Variants in HECW1 observed in about 807,000 individuals in gnomAD.
The protein encoded by HECW1 is HECT, C2 and WW domain containing E3 ubiquitin protein ligase 1.
Under a neutral mutation model 182.3 loss-of-function variants are expected in HECW1, and 61 were observed. The observed-to-expected ratio is 0.33, with a 90% CI of 0.27 to 0.41. The LOEUF (loss-of-function observed/expected upper bound fraction) is 0.41, where lower values mean the gene tolerates loss of function less well. HECW1 is among the 10% of genes least tolerant of loss of function. HECW1 has a pLI of 1.00. For missense variants in HECW1, 1,739 were observed against 2,108.9 expected (o/e 0.82, Z 3.44); for synonymous variants, 859 against 832.6 (o/e 1.03, Z -0.55).
At chr7:43,206,402 T>A (rs531428306) in intron 2 of HECW1, among the ~76,000 whole-genome samples, 1 of 152,286 alleles carries the variant, frequency 6.6e-6, no homozygotes, top group East Asian at 1.9e-4. Flanking sequence ...CCGTGCTTTT[T>A]TCTGGTCTTT....
At chr7:43,164,386 A>G (rs555973991) in intron 2 of HECW1, among the ~76,000 whole-genome samples, 8 of 149,890 alleles carry the variant, frequency 5.3e-5, no homozygotes, top group Non-Finnish European at 1.2e-4. Flanking sequence ...GTTTTGCATA[A>G]GTTGAGTTGA....
chr7:43,228,495 G>A lies in HECW1; in HGVS notation c.-31-15380G>A, dbSNP rs148104393. ...AAGGTTGAAAATGTACCGTCAGGAG[G>A]TGCAAAGAACTATGGGAACACTCAA... On this transcript the variant is annotated intron_variant, in intron 2 of 29. Coordinates refer to ENST00000395891, the MANE Select transcript of HECW1 (RefSeq NM_015052.5). Among the ~76,000 whole-genome samples the A allele has an allele frequency of 3.7e-3, 565 of 152,318 alleles. 5 individuals are homozygous for A. The highest frequency in any genetic ancestry group is 0.013 in the African/African-American group (525 of 41,578).
intron 19 of HECW1, among the ~76,000 whole-genome samples, chr7:43,499,475 A>AAAAAG (rs1554444485): frequency 1.3e-5 from 2 of 150,790 alleles, no homozygotes; most frequent in African/African-American, 4.8e-5. Context: ...TCTCAAAAAA[A>AAAAAG]AAAGAAAGAA....
chr7:43,337,196 C>T (rs1313909315), intron 5 of HECW1, among the ~76,000 whole-genome samples: 1 of 152,148 alleles, frequency 6.6e-6, no homozygotes, highest in Non-Finnish European at 1.5e-5. Context: ...TGCAACCATG[C>T]CAACATCCAT....
At chr7:43,238,239 G>C (rs1317912084) in intron 2 of HECW1, among the ~76,000 whole-genome samples, 4 of 152,158 alleles carry the variant, frequency 2.6e-5, no homozygotes, top group Non-Finnish European at 5.9e-5. Context: ...CATTGGGAGG[G>C]ATGGCACTGG....
At chr7:43,385,657 A>C (rs2074766247) in intron 6 of HECW1, among the ~76,000 whole-genome samples, 1 of 152,134 alleles carries the variant, frequency 6.6e-6, no homozygotes, top group African/African-American at 2.4e-5. Context: ...TTTCCAGAAG[A>C]TGAAGACCAG....
At position 43,432,297 on chromosome 7, in the gene HECW1, A is replaced by G. The variant is rs1261341927; in HGVS notation, c.802-5706A>G. ...TGGGACTACAGGCGCCCGCCACTAC[A>G]CCCGGCTAATTTTTTGTATTTTTAG... On this transcript the variant is annotated intron_variant, in intron 8 of 29. Coordinates refer to ENST00000395891, the MANE Select transcript of HECW1 (RefSeq NM_015052.5). This position sits in a 1 kb window ranked among gnomAD's most constrained non-coding sequence, Gnocchi z 4.1. Among the ~76,000 whole-genome samples the G allele has an allele frequency of 1.9e-4, 29 of 149,936 alleles. No homozygotes were observed. In the East Asian group the frequency reaches 3.6e-3, roughly 18 times the overall value.
At chr7:43,138,979 G>T (rs1028409113) in intron 2 of HECW1, among the ~76,000 whole-genome samples, 1 of 152,158 alleles carries the variant, frequency 6.6e-6, no homozygotes, top group Admixed American at 6.5e-5. Flanking sequence ...AGACAGACTG[G>T]TTTTTTTGTT....
At chr7:43,184,559 G>C (rs1206622287) in intron 2 of HECW1, among the ~76,000 whole-genome samples, 2 of 152,302 alleles carry the variant, frequency 1.3e-5, no homozygotes, top group African/African-American at 2.4e-5. Flanking sequence ...GATAGCTTCA[G>C]GATAGGGGCT....
At chr7:43,290,282 A>G (rs944028327) in intron 3 of HECW1, among the ~76,000 whole-genome samples, 1 of 152,220 alleles carries the variant, frequency 6.6e-6, no homozygotes, top group African/African-American at 2.4e-5. Flanking sequence ...GCTATCTGTC[A>G]TGTGATGTTA....
Position 43,508,983 on chromosome 7 carries a change from G to C in HECW1, c.3881G>C (p.Gly1294Ala). The C allele has an allele frequency of 6.2e-7, 1 of 1,613,878 alleles. No homozygotes were observed. The highest frequency in any genetic ancestry group is 8.5e-7 in the Non-Finnish European group (1 of 1,179,922). ...FVGEEGLDYSGPSREFFFLLS... is the reference protein window; with the variant it reads ...FVGEEGLDYSAPSREFFFLLS... ...TTTCTTTGCAGCCTGGACTACAGTGGCCCCTCGCGGGAGTTCTTCTTCCTT... is the reference window on the plus strand; with the variant it reads ...TTTCTTTGCAGCCTGGACTACAGTGCCCCCTCGCGGGAGTTCTTCTTCCTT... The change falls in exon 24 of 30, where the codon GGC (glycine) becomes GCC (alanine). Residue 1294 changes from glycine to alanine, a missense_variant. By Grantham distance (60) the Gly-to-Ala change is moderately conservative. This residue lies in a region of HECW1 where 420 missense variants were observed against 595.7 expected (regional missense o/e 0.71). Transcript: ENST00000395891.
chr7:43,532,170 G>C (rs1413221904), intron 24 of HECW1, among the ~76,000 whole-genome samples: 1 of 152,170 alleles, frequency 6.6e-6, no homozygotes, highest in Non-Finnish European at 1.5e-5. Flanking sequence ...GCCGTGGACT[G>C]TTCCTGGTGC....
intron 2 of HECW1, among the ~76,000 whole-genome samples, chr7:43,208,344 G>A (rs1247159984): frequency 2.0e-5 from 3 of 152,212 alleles, no homozygotes; most frequent in African/African-American, 7.2e-5. Context: ...ACAGGGTCCT[G>A]TTACTGTCTT....
intron 3 of HECW1, among the ~76,000 whole-genome samples, chr7:43,271,698 G>T (rs1340784924): frequency 7.2e-5 from 11 of 152,150 alleles, no homozygotes; most frequent in Non-Finnish European, 4.4e-5. Flanking sequence ...ATAAATCATG[G>T]ATGACGGAAT....
intron 2 of HECW1, among the ~76,000 whole-genome samples, chr7:43,194,949 C>T (rs1298239060): frequency 6.6e-6 from 1 of 152,154 alleles, no homozygotes; most frequent in Admixed American, 6.5e-5. Context: ...CCTTCTTGGC[C>T]TCCCAAAGTG....
chr7:43,452,331 A>C (rs1298268899), intron 12 of HECW1, among the ~76,000 whole-genome samples: 1 of 152,238 alleles, frequency 6.6e-6, no homozygotes. Context: ...ATGACTAGTT[A>C]TACATGCAAA....
intron 2 of HECW1, among the ~76,000 whole-genome samples, chr7:43,214,201 A>C (rs998216095): frequency 2.0e-5 from 3 of 151,650 alleles, no homozygotes; most frequent in Non-Finnish European, 4.4e-5. Context: ...TCATTTTTTC[A>C]AATACATTTT....
At chr7:43,204,169 A>G (rs1169751505) in intron 2 of HECW1, among the ~76,000 whole-genome samples, 1 of 152,236 alleles carries the variant, frequency 6.6e-6, no homozygotes, top group Non-Finnish European at 1.5e-5. Flanking sequence ...GTAGATGTCA[A>G]AGCAGCTAAT....
chr7:43,399,606 A>ATC (rs1389574362), intron 7 of HECW1, among the ~76,000 whole-genome samples: 1 of 152,118 alleles, frequency 6.6e-6, no homozygotes, highest in Non-Finnish European at 1.5e-5. Context: ...CTATTCCTTT[A>ATC]TCTCTGCTTT....
Sources: allele counts gnomAD v4.1 joint callset (sites outside exome capture counted in the v4.1 genomes callset), GRCh38; gene constraint gnomAD v4.1.1; regional missense constraint gnomAD v4.1.1; non-coding constraint Gnocchi (gnomAD v3.1); transcripts MANE v1.5; gene names NCBI Gene and HGNC (gene_info 2026-07-23, HGNC 2026-07-21).